DENND5B: variants seen among roughly 807,000 people sequenced by gnomAD.
The protein encoded by DENND5B is DENN domain containing 5B.
DENND5B carries 34 observed loss-of-function variants against 140.6 expected under a neutral mutation model. The ratio of observed to expected loss-of-function variants is 0.24; its 90% CI spans 0.18 to 0.32. The LOEUF (loss-of-function observed/expected upper bound fraction) is 0.32. DENND5B is among the 10% of genes least tolerant of loss of function. The pLI is 1.00. For synonymous variants in DENND5B, 551 were observed against 562.1 expected, an observed-to-expected ratio of 0.98 and a Z score of 0.28; for missense variants, 1,142 against 1,560.2, an observed-to-expected ratio of 0.73 and a Z score of 4.52.
Position 31,495,827 on chromosome 12 carries a change from G to A in DENND5B, c.220C>T (p.Gln74Ter). 6.2e-7 allele frequency: 1 copy of A among 1,610,776 alleles called. No homozygotes were observed. ...ACACATACCATGTTCACCGCATCTTGATCAAAAGGGTTCCATTCTATATTC... is the reference window on the plus strand; with the variant it reads ...ACACATACCATGTTCACCGCATCTTAATCAAAAGGGTTCCATTCTATATTC... ...PQNIEWNPFD[Q>*]DAVNMLCMPK... The change falls in exon 2 of 21, where the codon CAA (glutamine) becomes TAA (stop). Residue 74 changes from glutamine (Q) to a stop codon, truncating the protein, a stop_gained. Coordinates refer to ENST00000389082, the MANE Select transcript of DENND5B (RefSeq NM_144973.4). LOFTEE classifies it high-confidence loss of function.
intron 8 of DENND5B, among the ~76,000 whole-genome samples, chr12:31,430,447 A>C (rs1943457208): frequency 7.0e-6 from 1 of 142,468 alleles, no homozygotes; most frequent in Non-Finnish European, 1.5e-5. Flanking sequence ...AGGTCAAGAG[A>C]TCGAGACCAT....
intron 4 of DENND5B, among the ~76,000 whole-genome samples, chr12:31,456,855 G>A (rs759118803): frequency 6.6e-6 from 1 of 152,166 alleles, no homozygotes; most frequent in Non-Finnish European, 1.5e-5. Context: ...AAAGCCAGAG[G>A]ATCGCTTGAG....
intron 13 of DENND5B, among the ~76,000 whole-genome samples, chr12:31,411,040 CTTT>C (rs59646978): frequency 3.0e-4 from 42 of 140,226 alleles, no homozygotes; most frequent in Non-Finnish European, 2.9e-4. Context: ...GCATAAATCA[CTTT>C]TTTTTTTTTT....
chr12:31,480,301 A>G, intron 2 of DENND5B, 46 bp from the exon 3 acceptor site: 1 of 1,406,172 alleles, frequency 7.1e-7, no homozygotes, highest in East Asian at 2.6e-5. Flanking sequence ...TACACAAATA[A>G]CTTCAAGCCA....
At chr12:31,488,164 C>G (rs541779061) in intron 2 of DENND5B, among the ~76,000 whole-genome samples, 1 of 147,902 alleles carries the variant, frequency 6.8e-6, no homozygotes, top group Middle Eastern at 3.4e-3. Flanking sequence ...TTAGTAGAGA[C>G]GAGGTTTCAC....
intron 7 of DENND5B, among the ~76,000 whole-genome samples, chr12:31,436,259 C>T (rs1248800219): frequency 6.6e-6 from 1 of 151,826 alleles, no homozygotes; most frequent in East Asian, 1.9e-4. Context: ...GCCACCAAAC[C>T]CAGCTAATTT....
chr12:31,577,662 G>C (rs1442492536), intron 1 of DENND5B, among the ~76,000 whole-genome samples: 1 of 142,332 alleles, frequency 7.0e-6, no homozygotes, highest in East Asian at 2.2e-4. Flanking sequence ...AGTGAGCTGA[G>C]ATTGCGCCAC....
At chr12:31,555,898 C>T (rs1371111914) in intron 1 of DENND5B, among the ~76,000 whole-genome samples, 5 of 152,288 alleles carry the variant, frequency 3.3e-5, no homozygotes, top group South Asian at 2.1e-4. Context: ...TTTTTAAGCC[C>T]GTTGGAAAAG....
At chr12:31,495,073 C>T (rs1946704708) in intron 2 of DENND5B, among the ~76,000 whole-genome samples, 1 of 152,058 alleles carries the variant, frequency 6.6e-6, no homozygotes. Context: ...AATTAAGTTG[C>T]TTTTCATCTT....
chr12:31,415,397 G>A lies in DENND5B; in HGVS notation c.2522C>T (p.Thr841Met), dbSNP rs750961310. The change falls in exon 12 of 21, where the codon ACG (threonine) becomes ATG (methionine). Residue 841 changes from threonine (T) to methionine (M), a missense_variant. Coordinates refer to ENST00000389082, the MANE Select transcript of DENND5B (RefSeq NM_144973.4). The stretch of plus-strand genomic sequence containing the variant: ...GTCCTGAATAAGAGAGACCCTGAGC[G>A]TTGGCAACATAACTCCTGAGTCAGA... ...RKSDSGVMLP[T>M]LRVSLIQDMR... The A allele has an allele frequency of 1.8e-5, 29 of 1,610,274 alleles. No homozygotes were observed. The African/African-American group carries it at 2.1e-4, about 12-fold the overall frequency.
intron 1 of DENND5B, among the ~76,000 whole-genome samples, chr12:31,527,107 G>A (rs928612652): frequency 1.3e-5 from 2 of 152,068 alleles, no homozygotes; most frequent in Admixed American, 1.3e-4. Context: ...AGGGTGATAT[G>A]GAAAAACATG....
chr12:31,544,862 A>G (rs1240327254), intron 1 of DENND5B, among the ~76,000 whole-genome samples: 1 of 152,234 alleles, frequency 6.6e-6, no homozygotes, highest in Non-Finnish European at 1.5e-5. Flanking sequence ...GAATCTAATT[A>G]AGACTTTAGA....
chr12:31,537,700 A>C (rs184274325), intron 1 of DENND5B, among the ~76,000 whole-genome samples: 13 of 151,964 alleles, frequency 8.6e-5, no homozygotes, highest in African/African-American at 3.1e-4. Context: ...AAAACAAAAA[A>C]CAAAAAAACA....
In DENND5B at chr12:31,515,958, G is replaced by C. The variant is rs11051448; in HGVS notation, c.128-20039C>G. Among the ~76,000 whole-genome samples, 80 of 152,108 alleles carry C rather than the reference G, an allele frequency of 5.3e-4. 3 individuals are homozygous for C. Reference sequence around the variant, plus strand: ...ATTATAGCACAATGGAGAGGCTTTAGAGCATATCTTAAAATAATTTAAATA... The same window carrying C: ...ATTATAGCACAATGGAGAGGCTTTACAGCATATCTTAAAATAATTTAAATA... On this transcript the variant is annotated intron_variant, in intron 1 of 20. Transcript: ENST00000389082.
At chr12:31,441,857 C>CT (rs1256178022) in intron 7 of DENND5B, among the ~76,000 whole-genome samples, 5 of 151,410 alleles carry the variant, frequency 3.3e-5, no homozygotes, top group Admixed American at 1.3e-4. Flanking sequence ...ATTTTTCTAT[C>CT]TTTTTTGTAG....
chr12:31,393,978 C>T (rs963751649), intron 17 of DENND5B, among the ~76,000 whole-genome samples: 1 of 151,978 alleles, frequency 6.6e-6, no homozygotes, highest in African/African-American at 2.4e-5. Context: ...GCGTAAGCCA[C>T]CATGCCCGGC....
intron 1 of DENND5B, among the ~76,000 whole-genome samples, chr12:31,584,887 A>G (rs1462425309): frequency 6.9e-6 from 1 of 144,704 alleles, no homozygotes; most frequent in Non-Finnish European, 1.5e-5. Context: ...TGGCGGCTAT[A>G]CTACGCAAGA....
intron 2 of DENND5B, among the ~76,000 whole-genome samples, chr12:31,491,801 A>C (rs1335659041): frequency 2.6e-5 from 4 of 152,244 alleles, no homozygotes; most frequent in Non-Finnish European, 4.4e-5. Context: ...CATACACATT[A>C]AACATTTTAT....
At chr12:31,527,947 ATT>A (rs1948144891) in intron 1 of DENND5B, among the ~76,000 whole-genome samples, 1 of 100,316 alleles carries the variant, frequency 1.0e-5, no homozygotes, top group African/African-American at 3.8e-5. Flanking sequence ...GACTCTTTAA[ATT>A]AAAAACAGTC....
Sources: gnomAD v4.1 joint callset for allele counts (sites outside exome capture counted in the v4.1 genomes callset) on GRCh38, gnomAD v4.1.1 for gene constraint, MANE v1.5 for transcripts, NCBI Gene and HGNC (gene_info 2026-07-23, HGNC 2026-07-21) for gene names.